The following TOP3A variants were observed in gnomAD, a reference collection of about 807,000 sequenced individuals.
TOP3A encodes the protein DNA topoisomerase III alpha, also known as DNA topoisomerase 3-alpha.
A neutral mutation model predicts 111.3 loss-of-function variants in TOP3A; 64 were observed. The observed-to-expected ratio is 0.57, with a 90% confidence interval of 0.47 to 0.71. The LOEUF is 0.71. Among genes scored for constraint, TOP3A ranks in the 30% least tolerant of loss-of-function variants. The probability of loss-of-function intolerance (pLI) is 0.00; values close to 1 mark genes in which losing one functional copy is unlikely to be tolerated. For missense variants in TOP3A, 1,104 were observed against 1,285.0 expected (o/e 0.86, Z 2.15); for synonymous variants, 484 against 485.1 (o/e 1.00, Z 0.03).
Position 18,274,926 on chromosome 17 carries a change from TC to T in TOP3A, c.2881del (p.Glu961LysfsTer47). 2 of 1,614,136 alleles carry T rather than the reference TC, an allele frequency of 1.2e-6. No homozygotes were observed. The highest frequency in any genetic ancestry group is 1.7e-6 in the Non-Finnish European group (2 of 1,180,030). ...TGDRGRTLES[E>X]ARSKRPRASS... ...GGCCCGGGGCCTTTTGCTTCTGGCTTCCGACTCCAGGGTTCTTCCTCTGTCT... is the reference window on the plus strand; with the variant it reads ...GGCCCGGGGCCTTTTGCTTCTGGCTTCGACTCCAGGGTTCTTCCTCTGTCT... On this transcript the variant is annotated frameshift_variant, in exon 19 of 19. Coordinates refer to ENST00000321105, the MANE Select transcript of TOP3A (RefSeq NM_004618.5). LOFTEE classifies it high-confidence loss of function.
chr17:18,308,883 T>TG lies in TOP3A; in HGVS notation c.238dup (p.Gln80ProfsTer18). The TG allele has an allele frequency of 6.4e-7, 1 of 1,568,984 alleles. No homozygotes were observed. The highest frequency in any genetic ancestry group is 8.7e-7 in the Non-Finnish European group (1 of 1,152,718). ...TTTTAGAAATATTTTAGCACCTACCTGGCCATACAGATGATAATCAAATTC... is the reference window on the plus strand; with the variant it reads ...TTTTAGAAATATTTTAGCACCTACCTGGGCCATACAGATGATAATCAAATTC... On this transcript the variant is annotated frameshift_variant and splice_region_variant, in exon 2 of 19. Transcript: ENST00000321105. LOFTEE classifies it high-confidence loss of function.
At chr17:18,307,103 T>C (rs1981625965) in intron 3 of TOP3A, 137 bp from the exon 4 acceptor site, 3 of 618,900 alleles carry the variant, frequency 4.8e-6, no homozygotes, top group Admixed American at 2.9e-5. Flanking sequence ...AGTAAGGCTA[T>C]GACCCTCTGC....
At chr17:18,313,549 T>TA (rs1398967948) in intron 1 of TOP3A, 3 of 94,254 alleles carry the variant, frequency 3.2e-5, no homozygotes, top group African/African-American at 1.2e-4. Flanking sequence ...TAAAAATAGA[T>TA]AAATACAAGA....
intron 4 of TOP3A, 113 bp from the exon 5 acceptor site, chr17:18,305,333 A>G (rs1981492904): frequency 1.2e-6 from 1 of 852,512 alleles, no homozygotes; most frequent in East Asian, 2.6e-5. Flanking sequence ...GGAGTGTGAC[A>G]ACTTGGCAAG....
At position 18,282,744 on chromosome 17, in the gene TOP3A, G is replaced by A. The variant is rs1979839009; in HGVS notation, c.1975C>T (p.Pro659Ser). 1.2e-6 allele frequency: 2 copies of A among 1,614,082 alleles called. No individual in the cohort carries two copies. The highest frequency in any genetic ancestry group is 1.7e-6 in the Non-Finnish European group (2 of 1,180,014). Residue 659 changes from proline to serine, a missense_variant, in exon 16 of 19, where the codon CCA becomes TCA. Transcript: ENST00000321105. The stretch of plus-strand genomic sequence containing the variant: ...AGGACCATGTCCTTGTTGCACTGTG[G>A]GCACTTCCTGATGGGCTCTGGCATG... The part of the protein sequence containing the change: ...PAMPEPIRKC[P>S]QCNKDMVLKT...
chr17:18,314,481 A>G, intron 1 of TOP3A, 118 bp downstream of exon 1: 1 of 1,180,490 alleles, frequency 8.5e-7, no homozygotes, highest in Non-Finnish European at 1.2e-6. Flanking sequence ...GACGAGGGGC[A>G]GTGAGGCCTG....
At chr17:18,311,066 T>C (rs944518717) in intron 1 of TOP3A, among the ~76,000 whole-genome samples, 11 of 150,652 alleles carry the variant, frequency 7.3e-5, no homozygotes, top group African/African-American at 2.7e-4. Flanking sequence ...AGTGGCACAA[T>C]CTCGGCTCAC....
In TOP3A at chr17:18,277,720, G is replaced by A. The variant is rs573650413; in HGVS notation, c.2782C>T (p.Gln928Ter). 2.5e-6 allele frequency: 4 copies of A among 1,613,660 alleles called. No homozygotes were observed. Among genetic ancestry groups the A allele is most frequent in the South Asian group, 1.1e-5 (1 of 91,086 alleles). Residue 928 changes from glutamine to a stop codon, truncating the protein, a stop_gained, in exon 18 of 19, where the codon CAG becomes TAG. Coordinates refer to ENST00000321105, the MANE Select transcript of TOP3A (RefSeq NM_004618.5). LOFTEE classifies it low-confidence loss of function (END_TRUNC). ...ACCCACTGGAAAAAGCCACACTGCT[G>A]CTCTCTCGGCTTGGCACATGTGTGG... ...QFHTCAKPRE[Q>*]QCGFFQWVDE...
intron 3 of TOP3A, among the ~76,000 whole-genome samples, chr17:18,307,882 C>T (rs1322101727): frequency 7.0e-6 from 1 of 143,096 alleles, no homozygotes; most frequent in East Asian, 2.0e-4. Context: ...TGCACTCCAG[C>T]CTGGGTAACG....
chr17:18,307,278 G>C (rs1184690493), intron 3 of TOP3A: 2 of 240,854 alleles, frequency 8.3e-6, no homozygotes, highest in Non-Finnish European at 1.6e-5. Context: ...ATTCACAATG[G>C]ATCAGATAAT....
intron 1 of TOP3A, among the ~76,000 whole-genome samples, chr17:18,309,989 T>C (rs974176163): frequency 1.3e-5 from 2 of 151,212 alleles, no homozygotes; most frequent in Non-Finnish European, 2.9e-5. Flanking sequence ...GGATTACAGG[T>C]GTGAGCCACC....
rs1371890260 is a variant in TOP3A at position 18,274,993 on chromosome 17, T to C, written c.2828-13A>G. The C allele has an allele frequency of 6.2e-7, 1 of 1,611,706 alleles. No homozygotes were observed. Among genetic ancestry groups the C allele is most frequent in the Non-Finnish European group, 8.5e-7 (1 of 1,179,002 alleles). On this transcript the variant is annotated splice_polypyrimidine_tract_variant and intron_variant, in intron 18 of 18. Transcript: ENST00000321105. ...GCTCCAGAAGTCCCTGTCGGGAGAG[T>C]CAGGGGAGGGGTGAGGTTAGAACTG... is the stretch of plus-strand genomic sequence containing the variant.
At chr17:18,284,568 A>G (rs543173410) in intron 15 of TOP3A, among the ~76,000 whole-genome samples, 1 of 152,246 alleles carries the variant, frequency 6.6e-6, no homozygotes, top group South Asian at 2.1e-4. Flanking sequence ...GGTATCAGAA[A>G]ATGAAGTCCA....
Position 18,292,702 on chromosome 17 carries a change from G to C in TOP3A, c.1224C>G (p.Asn408Lys). The C allele has an allele frequency of 6.2e-7, 1 of 1,606,648 alleles. No homozygotes were observed. Among genetic ancestry groups the C allele is most frequent in the South Asian group, 1.1e-5 (1 of 90,562 alleles). Residue 408 changes from asparagine to lysine, a missense_variant, in exon 11 of 19, where the codon AAC becomes AAG. Physicochemically the swap from Asn to Lys is moderately conservative, Grantham distance 94. Coordinates refer to ENST00000321105, the MANE Select transcript of TOP3A (RefSeq NM_004618.5). The part of the protein sequence containing the change: ...ERGGPTPRNG[N>K]KSDQAHPPIH... ...TGGGAGGGTGAGCTTGGTCAGACTT[G>C]TTCCCATTGCGTGGGGTGGGACCAC...
chr17:18,279,361 A>G (rs999571538), intron 17 of TOP3A, among the ~76,000 whole-genome samples: 17 of 151,718 alleles, frequency 1.1e-4, no homozygotes, highest in Non-Finnish European at 2.2e-4. Context: ...GGTTCACGCC[A>G]TTCTCCTGCC....
rs764299514 is a variant in TOP3A at position 18,302,329 on chromosome 17, C to T, written c.749G>A (p.Gly250Asp). Residue 250 changes from glycine to aspartate, a missense_variant, in exon 7 of 19, where the codon GGC (glycine) becomes GAC (aspartate). Physicochemically the swap from Gly to Asp is moderately conservative, Grantham distance 94 (BLOSUM62 -1). Coordinates refer to ENST00000321105, the MANE Select transcript of TOP3A (RefSeq NM_004618.5). The part of the protein sequence containing the change: ...SYGSCQFPTL[G>D]FVVERFKAIQ... Reference sequence around the variant, plus strand: ...GGCTTTGAACCGCTCCACCACAAAGCCCAGTGTGGGGAACTGGCAGCTGCC... The same window carrying T: ...GGCTTTGAACCGCTCCACCACAAAGTCCAGTGTGGGGAACTGGCAGCTGCC... 2.5e-6 allele frequency: 4 copies of T among 1,613,174 alleles called. No homozygotes were observed. In the East Asian group the frequency reaches 8.9e-5, roughly 36 times the overall value.
chr17:18,278,428 T>C, intron 17 of TOP3A, 71 bp from the exon 18 acceptor site: 1 of 1,401,782 alleles, frequency 7.1e-7, no homozygotes, highest in Non-Finnish European at 9.5e-7. Context: ...CAGTGAGGGC[T>C]GCTTTAGCCC....
rs750754595 is a variant in TOP3A at position 18,273,531 on chromosome 17, TGAG to T, written c.*1268_*1270del. ...CAGAGGCTGACGAGACCTCCCAGGG[TGAG>T]CTCCTTCCAGCACTGGCTGGTACCT... On this transcript the variant is annotated 3_prime_UTR_variant, in exon 19 of 19. Coordinates refer to ENST00000321105, the MANE Select transcript of TOP3A (RefSeq NM_004618.5). Among the ~76,000 whole-genome samples the T allele has an allele frequency of 1.6e-3, 242 of 152,290 alleles. No homozygotes were observed. Among genetic ancestry groups the T allele is most frequent in the Non-Finnish European group, 2.8e-3 (191 of 68,020 alleles).
chr17:18,278,620 GTC>G (rs767544061), intron 17 of TOP3A, among the ~76,000 whole-genome samples: 1 of 152,198 alleles, frequency 6.6e-6, no homozygotes, highest in Non-Finnish European at 1.5e-5. Context: ...GAAGTCCCAT[GTC>G]TCTGTATCAG....
Sources: allele counts gnomAD v4.1 joint callset (sites outside exome capture counted in the v4.1 genomes callset), GRCh38; gene constraint gnomAD v4.1.1; transcripts MANE v1.5; gene names NCBI Gene and HGNC (gene_info 2026-07-23, HGNC 2026-07-21).